RASEF: variants seen among roughly 807,000 people sequenced by gnomAD.
RASEF encodes ras and EF-hand domain-containing protein.
In RASEF, 68 loss-of-function variants were observed where a neutral mutation model predicts 90.1. That is an observed-to-expected ratio of 0.75 (90% CI 0.62 to 0.92). RASEF has a LOEUF of 0.92. Among genes scored for constraint, RASEF ranks in the 40% least tolerant of loss-of-function variants. RASEF has a pLI of 0.00. For synonymous variants in RASEF, 331 were observed against 345.2 expected (o/e 0.96, Z 0.46); for missense variants, 949 against 937.2 (o/e 1.01, Z -0.16).
At chr9:83,083,397 T>C in the RASEF span, among the ~76,000 whole-genome samples, 2 of 152,170 alleles carry the variant, frequency 1.3e-5, no homozygotes, top group Non-Finnish European at 2.9e-5. Flanking sequence ...TATTCTATCA[T>C]AAAATGTACT....
chr9:83,121,192 GA>G, the RASEF span, among the ~76,000 whole-genome samples: 52 of 151,816 alleles, frequency 3.4e-4, no homozygotes, highest in African/African-American at 1.1e-3. Flanking sequence ...TTTTTCTGAA[GA>G]AAAAAATGTT....
the RASEF span, among the ~76,000 whole-genome samples, chr9:83,216,064 G>A: frequency 6.6e-6 from 1 of 152,112 alleles, no homozygotes; most frequent in Admixed American, 6.5e-5. Context: ...GATGATTTGG[G>A]GTATCTGGTG....
At chr9:83,148,805 C>G in the RASEF span, among the ~76,000 whole-genome samples, 2 of 152,222 alleles carry the variant, frequency 1.3e-5, no homozygotes, top group African/African-American at 4.8e-5. Flanking sequence ...TAATGAGATA[C>G]TGTCTCATGG....
chr9:83,129,418 A>G, the RASEF span, among the ~76,000 whole-genome samples: 11 of 152,246 alleles, frequency 7.2e-5, no homozygotes, highest in South Asian at 2.1e-3. Flanking sequence ...AAAAAAAAAA[A>G]AAAAGTCCAT....
intron 16 of RASEF, among the ~76,000 whole-genome samples, chr9:82,987,252 GTTTGC>G (rs10546245): frequency 0.51 from 77,655 of 151,492 alleles, 20,229 homozygotes; most frequent in East Asian, 0.77. Context: ...GTCTTCATAT[GTTTGC>G]TTTATTTATA....
At chr9:83,075,094 A>G in the RASEF span, among the ~76,000 whole-genome samples, 2 of 152,146 alleles carry the variant, frequency 1.3e-5, no homozygotes, top group African/African-American at 4.8e-5. Context: ...CTCCTTCAAG[A>G]GTATTAATTT....
At chr9:83,154,467 T>C in the RASEF span, among the ~76,000 whole-genome samples, 16 of 152,204 alleles carry the variant, frequency 1.1e-4, no homozygotes, top group African/African-American at 3.4e-4. Context: ...TTCTGAATAC[T>C]AGATTTCTCT....
At chr9:83,087,427 C>CTCTCTCTCTCTCTCTCTCTCTCTG in the RASEF span, among the ~76,000 whole-genome samples, 1 of 151,472 alleles carries the variant, frequency 6.6e-6, no homozygotes, top group Non-Finnish European at 1.5e-5. Flanking sequence ...CTCTCTCTCT[C>CTCTCTCTCTCTCTCTCTCTCTCTG]TCTCTCTCTC....
the RASEF span, among the ~76,000 whole-genome samples, chr9:83,108,747 T>G: frequency 6.6e-6 from 1 of 152,208 alleles, no homozygotes; most frequent in Non-Finnish European, 1.5e-5. Context: ...CTCTTTTCTT[T>G]GAACTACATC....
intron 1 of RASEF, among the ~76,000 whole-genome samples, chr9:83,049,455 C>G (rs938036135): frequency 6.6e-6 from 1 of 151,686 alleles, no homozygotes; most frequent in African/African-American, 2.4e-5. Context: ...CACAGAAAAT[C>G]CAGCACTCTG....
chr9:83,001,835 T>C (rs949363594), intron 9 of RASEF, among the ~76,000 whole-genome samples: 2 of 152,216 alleles, frequency 1.3e-5, no homozygotes, highest in African/African-American at 4.8e-5. Flanking sequence ...ATGTATGATT[T>C]GACACGTAAG....
chr9:83,052,076 AT>A (rs1220506370), intron 1 of RASEF, among the ~76,000 whole-genome samples: 2 of 120,058 alleles, frequency 1.7e-5, no homozygotes, highest in Non-Finnish European at 1.6e-5. Flanking sequence ...GTTAGGGAGG[AT>A]TCCCTCTTTT....
chr9:83,213,089 GT>G, the RASEF span, among the ~76,000 whole-genome samples: 9 of 109,408 alleles, frequency 8.2e-5, no homozygotes, highest in East Asian at 2.6e-4. Context: ...CAATGCACAC[GT>G]TTTAAAAAAA....
chr9:83,077,037 G>T, the RASEF span, among the ~76,000 whole-genome samples: 18 of 152,072 alleles, frequency 1.2e-4, no homozygotes, highest in Non-Finnish European at 2.5e-4. Flanking sequence ...TATTGGAAAG[G>T]TCATGAAAAC....
the RASEF span, among the ~76,000 whole-genome samples, chr9:83,092,058 T>C: frequency 4.6e-5 from 6 of 131,362 alleles, no homozygotes; most frequent in South Asian, 1.1e-3. Context: ...TTTGCATAAA[T>C]GCCCCAAGGA....
chr9:83,000,719 A>C (rs990795028), intron 10 of RASEF, 149 bp from the exon 11 acceptor site: 1 of 911,508 alleles, frequency 1.1e-6, no homozygotes, highest in Non-Finnish European at 1.6e-6. Context: ...ATAGAGTGAC[A>C]CTGAATGGCA....
intron 3 of RASEF, among the ~76,000 whole-genome samples, chr9:83,019,089 T>A (rs867014466): frequency 6.6e-6 from 1 of 151,880 alleles, no homozygotes; most frequent in Non-Finnish European, 1.5e-5. Context: ...TTTTTAAAGA[T>A]CACATGAAAA....
At chr9:82,998,875 T>C (rs771821678) in intron 12 of RASEF, among the ~76,000 whole-genome samples, 5 of 152,128 alleles carry the variant, frequency 3.3e-5, no homozygotes, top group Admixed American at 6.5e-5. Flanking sequence ...TATATGTATA[T>C]GTAGGTATAT....
rs1830243600 is a variant in RASEF at position 83,062,917 on chromosome 9, G to A, written c.-50C>T. 7.2e-7 allele frequency: 1 copy of A among 1,385,468 alleles called. No homozygotes were observed. The highest frequency in any genetic ancestry group is 1.5e-5 in the African/African-American group (1 of 65,514). The allele number at this position is 1,385,468 out of a possible 1,614,324, so 85.8% of individuals were successfully genotyped here. A position where few individuals can be genotyped will look rare whatever the true frequency, so the allele number is the denominator to read the frequency against. On this transcript the variant is annotated 5_prime_UTR_variant, in exon 1 of 17. Coordinates refer to ENST00000376447, the MANE Select transcript of RASEF (RefSeq NM_152573.4). ...GGGCTCCGGAGCGCCGCGGGGCGCA[G>A]GGCCCTCCCTGGAAGGACGGGGCCA...
Sources: gnomAD v4.1 joint callset for allele counts (sites outside exome capture counted in the v4.1 genomes callset) on GRCh38, gnomAD v4.1.1 for gene constraint, MANE v1.5 for transcripts, NCBI Gene and HGNC (gene_info 2026-07-23, HGNC 2026-07-21) for gene names.